Variants in SORCS2 observed in about 807,000 individuals in gnomAD.
SORCS2 encodes VPS10 domain-containing receptor SorCS2.
A neutral mutation model predicts 141.6 loss-of-function variants in SORCS2; 100 were observed. The observed-to-expected ratio is 0.71, with a 90% CI of 0.60 to 0.83. The LOEUF (loss-of-function observed/expected upper bound fraction) is 0.83. SORCS2 is among the 40% of genes least tolerant of loss of function. SORCS2 has a pLI of 0.00. For missense variants in SORCS2, 1,646 were observed against 1,560.2 expected, an observed-to-expected ratio of 1.05 and a Z score of -0.93; for synonymous variants, 789 against 676.9, an observed-to-expected ratio of 1.17 and a Z score of -2.57.
At chr4:7,373,471 TA>T in intron 1 of SORCS2, among the ~76,000 whole-genome samples, 1 of 73,170 alleles carries the variant, frequency 1.4e-5, no homozygotes, top group African/African-American at 8.2e-5. Context: ...TATATATATA[TA>T]TATATATTTT....
At chr4:7,688,625 AG>A (rs1234953607) in intron 10 of SORCS2, among the ~76,000 whole-genome samples, 1 of 152,146 alleles carries the variant, frequency 6.6e-6, no homozygotes, top group Non-Finnish European at 1.5e-5. Context: ...CATTTAGAGG[AG>A]GTACGAGGAG....
intron 2 of SORCS2, among the ~76,000 whole-genome samples, chr4:7,489,275 A>T (rs1731178019): frequency 6.6e-6 from 1 of 152,068 alleles, no homozygotes; most frequent in South Asian, 2.1e-4. Context: ...TACTCCTTAA[A>T]TTCCTTCCAC....
At position 7,741,497 on chromosome 4, in the gene SORCS2, C is replaced by T. The variant is rs1339752664; in HGVS notation, c.*1233C>T. ...TGAAATGGGAAGTCAGTAGCCCCTT[C>T]CTCCTCCTCCCTCCTCCCCCTCCTC... On this transcript the variant is annotated 3_prime_UTR_variant, in exon 27 of 27. Coordinates refer to ENST00000507866, the MANE Select transcript of SORCS2 (RefSeq NM_020777.3). 4 of 349,772 alleles carry T rather than the reference C, an allele frequency of 1.1e-5. No individual in the cohort carries two copies. The highest frequency in any genetic ancestry group is 2.0e-5 in the Non-Finnish European group (4 of 196,718). The allele number at this position is 349,772 out of a possible 1,614,324, so 21.7% of individuals were successfully genotyped here. A position where few individuals can be genotyped will look rare whatever the true frequency, so the allele number is the denominator to read the frequency against.
chr4:7,338,812 T>C (rs889869918), intron 1 of SORCS2, among the ~76,000 whole-genome samples: 1 of 152,242 alleles, frequency 6.6e-6, no homozygotes, highest in Non-Finnish European at 1.5e-5. Flanking sequence ...ATAATTGTTA[T>C]AATTCCTCTG....
At chr4:7,568,255 C>T (rs1159316863) in intron 3 of SORCS2, among the ~76,000 whole-genome samples, 1 of 152,194 alleles carries the variant, frequency 6.6e-6, no homozygotes, top group Non-Finnish European at 1.5e-5. Flanking sequence ...GAAACAACAG[C>T]AACAACCAAA....
In SORCS2 at chr4:7,667,145, A is replaced by G. The variant is rs1722552889; in HGVS notation, c.1093A>G (p.Lys365Glu). The change falls in exon 8 of 27, where the codon AAA becomes GAA. Residue 365 changes from lysine to glutamate, a missense_variant. Coordinates refer to ENST00000507866, the MANE Select transcript of SORCS2 (RefSeq NM_020777.3). Reference protein sequence around the residue: ...FFKATSANQTKYYVSYRRNEF... With the variant: ...FFKATSANQTEYYVSYRRNEF... The stretch of plus-strand genomic sequence containing the variant: ...TTAGGCAACATCAGCAAACCAGACA[A>G]AATACTACGTCTCTTATCGTCGAAA... 1 of 1,613,542 alleles carries G rather than the reference A, an allele frequency of 6.2e-7. No homozygotes were observed. Among genetic ancestry groups the G allele is most frequent in the South Asian group, 1.1e-5 (1 of 91,060 alleles).
At chr4:7,451,364 C>T (rs1302686705) in intron 2 of SORCS2, among the ~76,000 whole-genome samples, 1 of 152,242 alleles carries the variant, frequency 6.6e-6, no homozygotes, top group Non-Finnish European at 1.5e-5. Context: ...AAGCCACTGC[C>T]CTCCCTTGGC....
chr4:7,266,412 C>T (rs1283085549), intron 1 of SORCS2, among the ~76,000 whole-genome samples: 1 of 152,230 alleles, frequency 6.6e-6, no homozygotes, highest in Non-Finnish European at 1.5e-5. Context: ...CTGCCCTCCT[C>T]CCTTCTTTCT....
chr4:7,288,942 C>T (rs1228106203), intron 1 of SORCS2, among the ~76,000 whole-genome samples: 2 of 152,036 alleles, frequency 1.3e-5, no homozygotes, highest in Non-Finnish European at 2.9e-5. Flanking sequence ...GCCACCTCCT[C>T]CAGGAAGCCT....
chr4:7,552,535 GCCAGAAA>G (rs142844604), intron 3 of SORCS2, among the ~76,000 whole-genome samples: 4,538 of 152,258 alleles, frequency 0.03, 86 homozygotes, highest in South Asian at 0.046. Flanking sequence ...AAAATAAACA[GCCAGAAA>G]CAAAGAGAGA....
At chr4:7,487,054 G>A (rs963920432) in intron 2 of SORCS2, among the ~76,000 whole-genome samples, 4 of 152,184 alleles carry the variant, frequency 2.6e-5, no homozygotes, top group African/African-American at 7.2e-5. Context: ...CCCAGCCCCA[G>A]TGCAGCCCTG....
intron 2 of SORCS2, among the ~76,000 whole-genome samples, chr4:7,491,356 C>A (rs1560328694): frequency 6.6e-6 from 1 of 152,226 alleles, no homozygotes. Context: ...CCCACCCCTA[C>A]TCCTGCAGCA....
At chr4:7,338,093 A>C (rs923759775) in intron 1 of SORCS2, among the ~76,000 whole-genome samples, 4 of 115,402 alleles carry the variant, frequency 3.5e-5, no homozygotes, top group Admixed American at 2.4e-4. Flanking sequence ...GGCTGGCTGG[A>C]TGGATGTTGG....
At chr4:7,294,138 G>A (rs1716795529) in intron 1 of SORCS2, among the ~76,000 whole-genome samples, 1 of 152,202 alleles carries the variant, frequency 6.6e-6, no homozygotes. Context: ...CTCATCAGCT[G>A]AGAGGTTCTG....
At chr4:7,697,086 G>T in intron 11 of SORCS2, 112 bp from the exon 12 acceptor site, 1 of 840,110 alleles carries the variant, frequency 1.2e-6, no homozygotes, top group Non-Finnish European at 1.9e-6. Flanking sequence ...GGGGGATATG[G>T]AGACCCGGGG....
intron 2 of SORCS2, among the ~76,000 whole-genome samples, chr4:7,500,471 C>A (rs1221618409): frequency 1.3e-5 from 2 of 152,138 alleles, no homozygotes; most frequent in Non-Finnish European, 2.9e-5. Flanking sequence ...ACACTGAAGG[C>A]CTCATCTGCT....
chr4:7,396,464 GTCA>G, intron 2 of SORCS2, 109 bp downstream of exon 2: 1 of 1,140,484 alleles, frequency 8.8e-7, no homozygotes, highest in Non-Finnish European at 1.3e-6. Flanking sequence ...GCCCCTGTGA[GTCA>G]GTGGCCTCGC....
chr4:7,216,194 C>T (rs531323185), intron 1 of SORCS2, among the ~76,000 whole-genome samples: 80 of 152,220 alleles, frequency 5.3e-4, no homozygotes, highest in African/African-American at 1.8e-3. Flanking sequence ...CAAAGGTCTG[C>T]GGCTTCATTC....
intron 1 of SORCS2, among the ~76,000 whole-genome samples, chr4:7,349,073 G>A (rs1475605212): frequency 1.3e-5 from 2 of 152,128 alleles, no homozygotes; most frequent in Non-Finnish European, 2.9e-5. Context: ...CAACTTAATT[G>A]CACACCTACC....
Sources: gnomAD v4.1 joint callset for allele counts (sites outside exome capture counted in the v4.1 genomes callset) on GRCh38, gnomAD v4.1.1 for gene constraint, MANE v1.5 for transcripts, NCBI Gene and HGNC (gene_info 2026-07-23, HGNC 2026-07-21) for gene names.